CLPB: variants seen among roughly 807,000 people sequenced by gnomAD.
The protein encoded by CLPB is ClpB family mitochondrial disaggregase.
CLPB carries 40 observed loss-of-function variants against 78.4 expected under a neutral mutation model. The ratio of observed to expected loss-of-function variants is 0.51; its 90% CI spans 0.40 to 0.66. The LOEUF (loss-of-function observed/expected upper bound fraction) is 0.66, where lower values mean the gene tolerates loss of function less well. Among genes scored for constraint, CLPB ranks in the 30% least tolerant of loss-of-function variants. The pLI is 0.00. For missense variants in CLPB, 780 were observed against 886.9 expected (o/e 0.88, Z 1.53); for synonymous variants, 333 against 348.0 (o/e 0.96, Z 0.48).
intron 4 of CLPB, among the ~76,000 whole-genome samples, chr11:72,369,935 T>A (rs76970802): frequency 1.3e-5 from 2 of 151,812 alleles, no homozygotes; most frequent in Non-Finnish European, 2.9e-5. Flanking sequence ...TGGGTTTTTT[T>A]CCCCCATGGT....
chr11:72,431,843 T>A (rs1219307426), intron 1 of CLPB, among the ~76,000 whole-genome samples: 3 of 152,160 alleles, frequency 2.0e-5, no homozygotes, highest in Non-Finnish European at 4.4e-5. Flanking sequence ...GGGGACAGGG[T>A]AGCTGGCAAG....
chr11:72,317,128 G>A lies in CLPB; in HGVS notation c.966C>T (p.Ser322=), dbSNP rs371562971. Residue 322 remains serine (S), a synonymous_variant, in exon 7 of 16, where the codon AGC becomes AGT. Transcript: ENST00000538039. ...CACCAGCACCCACTGTGGCGATGGC[G>A]CTCTCCTGGCCAATGATGTGCTCCT... ...RLKEHIIGQE[S]AIATVGAAIR... The A allele has an allele frequency of 3.4e-5, 54 of 1,611,010 alleles. No homozygotes were observed. In the African/African-American group the frequency reaches 5.6e-4, roughly 17 times the overall value.
rs888706769 is a variant in CLPB at position 72,312,520 on chromosome 11, C to G, written c.989-3916G>C. ...CCTGGGTGCCCTATTTTCTGAGGACCCCTGAGACTAGCCCAACACTGGTTT... is the reference window on the plus strand; with the variant it reads ...CCTGGGTGCCCTATTTTCTGAGGACGCCTGAGACTAGCCCAACACTGGTTT... On this transcript the variant is annotated intron_variant, in intron 7 of 15. Coordinates refer to ENST00000538039, the MANE Select transcript of CLPB (RefSeq NM_001258392.3). The surrounding 1 kb of genome is among the most constrained non-coding windows in gnomAD (Gnocchi z 4.2). Among the ~76,000 whole-genome samples, 4 of 152,074 alleles carry G rather than the reference C, an allele frequency of 2.6e-5. No individual in the cohort carries two copies. Among genetic ancestry groups the G allele is most frequent in the African/African-American group, 4.8e-5 (2 of 41,386 alleles).
intron 7 of CLPB, among the ~76,000 whole-genome samples, chr11:72,313,580 T>C (rs1257879008): frequency 1.3e-5 from 2 of 152,086 alleles, no homozygotes; most frequent in Admixed American, 6.6e-5. Context: ...ACAAACATAG[T>C]AGATAACATG....
Position 72,293,545 on chromosome 11 carries a change from A to G in CLPB, c.1856T>C (p.Leu619Ser). The change falls in exon 16 of 16, where the codon TTG becomes TCG. Residue 619 changes from leucine to serine, a missense_variant. Around this residue, in one of 3 missense-constraint regions of CLPB, gnomAD observed 272 missense variants for 304.0 expected, o/e 0.89. Coordinates refer to ENST00000538039, the MANE Select transcript of CLPB (RefSeq NM_001258392.3). ...EQDLLPGGCT[L>S]RITVEDSDKQ... is the part of the protein sequence containing the mutation. ...GTCTGAGTCCTCCACCGTGATGCGCAAAGTACAGCCCCCTGGCAGCAGGTC... is the reference window on the plus strand; with the variant it reads ...GTCTGAGTCCTCCACCGTGATGCGCGAAGTACAGCCCCCTGGCAGCAGGTC... 1 of 1,613,942 alleles carries G rather than the reference A, an allele frequency of 6.2e-7. No homozygotes were observed. Among genetic ancestry groups the G allele is most frequent in the Non-Finnish European group, 8.5e-7 (1 of 1,179,956 alleles).
At chr11:72,336,819 G>C (rs576967837) in intron 5 of CLPB, 10 of 342,264 alleles carry the variant, frequency 2.9e-5, no homozygotes, top group Non-Finnish European at 4.1e-5. Context: ...TTGAGAGAGA[G>C]AGTGGCAGGA....
intron 4 of CLPB, among the ~76,000 whole-genome samples, chr11:72,378,635 A>T (rs1854797796): frequency 1.3e-5 from 2 of 152,170 alleles, no homozygotes; most frequent in African/African-American, 4.8e-5. Flanking sequence ...CAGCACCTAA[A>T]CTGAAGACAG....
At chr11:72,367,989 G>A (rs1048513458) in intron 4 of CLPB, among the ~76,000 whole-genome samples, 1 of 152,102 alleles carries the variant, frequency 6.6e-6, no homozygotes, top group Non-Finnish European at 1.5e-5. Context: ...AAAAATATAT[G>A]TAAGAAGATA....
At chr11:72,431,721 T>G (rs1856550601) in intron 1 of CLPB, among the ~76,000 whole-genome samples, 1 of 151,980 alleles carries the variant, frequency 6.6e-6, no homozygotes, top group Non-Finnish European at 1.5e-5. Flanking sequence ...CAGAAAAAAA[T>G]GTGGCTTCTA....
chr11:72,389,845 C>T (rs1004577388), intron 3 of CLPB, among the ~76,000 whole-genome samples: 2 of 151,890 alleles, frequency 1.3e-5, no homozygotes. Flanking sequence ...CTCAGGAGGT[C>T]GAGGCTGCAG....
intron 11 of CLPB, among the ~76,000 whole-genome samples, chr11:72,296,455 G>C (rs1949552894): frequency 6.6e-6 from 1 of 152,130 alleles, no homozygotes; most frequent in South Asian, 2.1e-4. Context: ...AACAGTATAG[G>C]GCAGAGACAG....
At position 72,286,245 on chromosome 11, in the gene CLPB, T is replaced by TTTTTTTTTTTTTTTTTTC. The variant is rs1415106936; in HGVS notation, c.*7121_*7122insGAAAAAAAAAAAAAAAAA. On this transcript the variant is annotated 3_prime_UTR_variant, in exon 16 of 16. Transcript: ENST00000538039. ...CCTGTTTTTTTTTTTTTTTTTTTTTTTAAGAGATAGGGTGTCACTCTGCCA... is the reference window on the plus strand; with the variant it reads ...CCTGTTTTTTTTTTTTTTTTTTTTTTTTTTTTTTTTTTTTTTTCTAAGAGATAGGGTGTCACTCTGCCA... The TTTTTTTTTTTTTTTTTTC allele has an allele frequency of 6.9e-6, 1 of 144,088 alleles. No individual in the cohort carries two copies. The highest frequency in any genetic ancestry group is 1.5e-5 in the Non-Finnish European group (1 of 66,640). 8.9% of individuals were successfully genotyped at this position (144,088 alleles called of 1,614,324 possible).
In CLPB at chr11:72,312,027, G is replaced by A. The variant is rs936749370; in HGVS notation, c.989-3423C>T. Among the ~76,000 whole-genome samples, 17 of 152,134 alleles carry A rather than the reference G, an allele frequency of 1.1e-4. No individual in the cohort carries two copies. The highest frequency in any genetic ancestry group is 3.6e-4 in the African/African-American group (15 of 41,414). On this transcript the variant is annotated intron_variant, in intron 7 of 15. Coordinates refer to ENST00000538039, the MANE Select transcript of CLPB (RefSeq NM_001258392.3). This position sits in a 1 kb window ranked among gnomAD's most constrained non-coding sequence, Gnocchi z 4.2. ...ATTCTCTGGCATGCATTCATCTACC[G>A]GGTGGTATAGTGGAGAGGGCAGGAG...
rs1046200114 is a variant in CLPB, at chr11:72,312,456, C to T, written c.989-3852G>A. ...TGTGTCTGGCAGGGAGGGTGTGCCC[C>T]CAATCTGACCATATTCCATGGGAGC... On this transcript the variant is annotated intron_variant, in intron 7 of 15. Coordinates refer to ENST00000538039, the MANE Select transcript of CLPB (RefSeq NM_001258392.3). This position sits in a 1 kb window ranked among gnomAD's most constrained non-coding sequence, Gnocchi z 4.2. Among the ~76,000 whole-genome samples the T allele has an allele frequency of 6.6e-6, 1 of 152,132 alleles. No individual in the cohort carries two copies. Among genetic ancestry groups the T allele is most frequent in the Non-Finnish European group, 1.5e-5 (1 of 68,016 alleles).
chr11:72,378,435 G>A (rs1004081109), intron 4 of CLPB, among the ~76,000 whole-genome samples: 4 of 152,130 alleles, frequency 2.6e-5, no homozygotes, highest in Non-Finnish European at 5.9e-5. Context: ...AAATGAGGAC[G>A]AAGCAAAAAT....
At chr11:72,335,955 C>A (rs1253660868) in intron 5 of CLPB, among the ~76,000 whole-genome samples, 2 of 152,228 alleles carry the variant, frequency 1.3e-5, no homozygotes, top group African/African-American at 4.8e-5. Flanking sequence ...AGCCTCTCTG[C>A]CTGGTTGGCA....
At position 72,292,302 on chromosome 11, in the gene CLPB, A is replaced by G. The variant is rs1416778917; in HGVS notation, c.*1065T>C. 6.6e-6 allele frequency: 1 copy of G among 152,264 alleles called. No individual in the cohort carries two copies. Among genetic ancestry groups the G allele is most frequent in the African/African-American group, 2.4e-5 (1 of 41,452 alleles). 9.4% of individuals were successfully genotyped at this position (152,264 alleles called of 1,614,324 possible). A position where few individuals can be genotyped will look rare whatever the true frequency, so the allele number is the denominator to read the frequency against. ...GGGGAAGGTGGGTGGACTGCTTATCAGCAGTGGCTACTGTAGATGGTGCCC... is the reference window on the plus strand; with the variant it reads ...GGGGAAGGTGGGTGGACTGCTTATCGGCAGTGGCTACTGTAGATGGTGCCC... On this transcript the variant is annotated 3_prime_UTR_variant, in exon 16 of 16. Coordinates refer to ENST00000538039, the MANE Select transcript of CLPB (RefSeq NM_001258392.3).
At chr11:72,309,044 G>A (rs914272397) in intron 7 of CLPB, among the ~76,000 whole-genome samples, 12 of 152,234 alleles carry the variant, frequency 7.9e-5, no homozygotes, top group Admixed American at 2.0e-4. Flanking sequence ...CCTTGGGGAT[G>A]TGGGGTGTGA....
chr11:72,315,292 T>C (rs890999156), intron 7 of CLPB, among the ~76,000 whole-genome samples: 2 of 152,160 alleles, frequency 1.3e-5, no homozygotes, highest in African/African-American at 4.8e-5. Context: ...GCTGGTTGCC[T>C]TTCTGAGGAG....
Sources: allele counts gnomAD v4.1 joint callset (sites outside exome capture counted in the v4.1 genomes callset), GRCh38; gene constraint gnomAD v4.1.1; regional missense constraint gnomAD v4.1.1; non-coding constraint Gnocchi (gnomAD v3.1); transcripts MANE v1.5; gene names NCBI Gene and HGNC (gene_info 2026-07-23, HGNC 2026-07-21).